The following IGSF10 variants were observed in gnomAD, a reference collection of about 807,000 sequenced individuals.
IGSF10 encodes immunoglobulin superfamily member 10.
A neutral mutation model predicts 128.2 loss-of-function variants in IGSF10; 126 were observed. The observed-to-expected ratio is 0.98, with a 90% CI of 0.85 to 1.14. The LOEUF is 1.14. Ranked by LOEUF, IGSF10 falls within the 50% of genes most tolerant of loss-of-function variation. The pLI, the probability that IGSF10 is intolerant of heterozygous loss-of-function variation, is 0.00. For missense variants in IGSF10, 3,295 were observed against 3,149.8 expected, an observed-to-expected ratio of 1.05 and a Z score of -1.10; for synonymous variants, 1,185 against 1,146.2, an observed-to-expected ratio of 1.03 and a Z score of -0.68.
the IGSF10 span, among the ~76,000 whole-genome samples, chr3:151,575,438 C>A: frequency 1.3e-5 from 2 of 151,536 alleles, no homozygotes; most frequent in East Asian, 2.0e-4. Flanking sequence ...ATGGTGGATG[C>A]CCCTCCCCCA....
At chr3:151,573,398 G>C in the IGSF10 span, among the ~76,000 whole-genome samples, 1 of 152,174 alleles carries the variant, frequency 6.6e-6, no homozygotes, top group African/African-American at 2.4e-5. Flanking sequence ...CTTGCTTTAT[G>C]AATCTGGATT....
the IGSF10 span, among the ~76,000 whole-genome samples, chr3:151,496,972 G>A: frequency 5.3e-5 from 8 of 152,280 alleles, no homozygotes; most frequent in African/African-American, 1.9e-4. Context: ...CTGCATAAAT[G>A]TCTTCTTTTG....
the IGSF10 span, among the ~76,000 whole-genome samples, chr3:151,482,038 G>A: frequency 6.6e-6 from 1 of 152,094 alleles, no homozygotes; most frequent in Non-Finnish European, 1.5e-5. Context: ...CACATCTGCA[G>A]ATAAAAGTAA....
At chr3:151,473,132 C>T in the IGSF10 span, among the ~76,000 whole-genome samples, 1 of 152,158 alleles carries the variant, frequency 6.6e-6, no homozygotes, top group African/African-American at 2.4e-5. Context: ...TTCTGTTTTC[C>T]TCATCTTTTG....
At chr3:151,434,717 C>A (rs1396000208), downstream of IGSF10, 3 of 152,204 alleles carry the variant, frequency 2.0e-5, no homozygotes, top group Admixed American at 2.0e-4. Flanking sequence ...TTATTTCTTT[C>A]CAAATTTCTT....
chr3:151,574,988 G>T, the IGSF10 span, among the ~76,000 whole-genome samples: 2 of 152,162 alleles, frequency 1.3e-5, no homozygotes, highest in African/African-American at 2.4e-5. Context: ...TCAGCTGCAG[G>T]TCTGTTGGTG....
the IGSF10 span, among the ~76,000 whole-genome samples, chr3:151,472,586 C>G: frequency 2.0e-5 from 3 of 152,108 alleles, no homozygotes; most frequent in Non-Finnish European, 4.4e-5. Context: ...GCCAAAGGTA[C>G]TACCTTTGGC....
the IGSF10 span, among the ~76,000 whole-genome samples, chr3:151,584,441 A>G: frequency 5.9e-5 from 9 of 152,272 alleles, no homozygotes; most frequent in East Asian, 1.7e-3. Flanking sequence ...TGCTCACCAT[A>G]TTAATAATGC....
chr3:151,436,681 A>T lies in IGSF10; in HGVS notation c.*8T>A, dbSNP rs769486664. 2.6e-6 allele frequency: 4 copies of T among 1,559,558 alleles called. No homozygotes were observed. The highest frequency in any genetic ancestry group is 3.8e-5 in the Admixed American group (2 of 52,002). Reference sequence around the variant, plus strand: ...CTGCCCAGATGTTGTTGACTTTATTATTTCATGTCAGATTACTTGAATATA... The same window carrying T: ...CTGCCCAGATGTTGTTGACTTTATTTTTTCATGTCAGATTACTTGAATATA... On this transcript the variant is annotated 3_prime_UTR_variant, in exon 8 of 8. Coordinates refer to ENST00000282466, the MANE Select transcript of IGSF10 (RefSeq NM_178822.5).
At chr3:151,616,485 G>A in the IGSF10 span, among the ~76,000 whole-genome samples, 6 of 152,152 alleles carry the variant, frequency 3.9e-5, no homozygotes, top group Admixed American at 3.3e-4. Context: ...GAGTGGTTTT[G>A]TATCTTGGAG....
chr3:151,479,091 T>A, the IGSF10 span, among the ~76,000 whole-genome samples: 1 of 152,178 alleles, frequency 6.6e-6, no homozygotes, highest in African/African-American at 2.4e-5. Context: ...CAGCAAGATA[T>A]TTTCAAATCC....
Position 151,443,691 on chromosome 3 carries a change from G to A in IGSF10, c.5256C>T (p.Thr1752=), listed in dbSNP as rs779696533. The change falls in exon 7 of 8, where the codon ACC becomes ACT. Residue 1752 remains threonine (T), a synonymous_variant. Coordinates refer to ENST00000282466, the MANE Select transcript of IGSF10 (RefSeq NM_178822.5). ...SYPPRILERR[T]KEITVHSGST... ...TTCCGGAATGAACTGTGATCTCTTTGGTACGTCTCTCCAGGATCCTGGGAG... is the reference window on the plus strand; with the variant it reads ...TTCCGGAATGAACTGTGATCTCTTTAGTACGTCTCTCCAGGATCCTGGGAG... 3.7e-6 allele frequency: 6 copies of A among 1,614,016 alleles called. No homozygotes were observed. The highest frequency in any genetic ancestry group is 1.7e-5 in the Admixed American group (1 of 60,012).
the IGSF10 span, among the ~76,000 whole-genome samples, chr3:151,490,999 G>C: frequency 6.6e-6 from 1 of 150,918 alleles, no homozygotes; most frequent in East Asian, 1.9e-4. Context: ...GCGGAAGGAA[G>C]GAAATAAAGA....
the IGSF10 span, among the ~76,000 whole-genome samples, chr3:151,524,710 A>C: frequency 2.6e-5 from 4 of 152,226 alleles, no homozygotes; most frequent in African/African-American, 9.6e-5. Context: ...TGATTTGTAC[A>C]ACACACCCCT....
chr3:151,535,783 G>A, the IGSF10 span, among the ~76,000 whole-genome samples: 1 of 152,144 alleles, frequency 6.6e-6, no homozygotes, highest in South Asian at 2.1e-4. Context: ...TTCTTTGGTT[G>A]CTTCATTCTG....
In IGSF10 at chr3:151,443,228, G is replaced by A. The variant is rs992709014; in HGVS notation, c.5719C>T (p.Leu1907=). Residue 1907 remains leucine (L), a synonymous_variant, in exon 7 of 8, where the codon CTA becomes TTA. Transcript: ENST00000282466. ...TAAGTGCCCCTGTCTGAAGAGGCTA[G>A]GTTTCTTATATACAAAGTCCCATTT... ...FSNGTLYIRN[L]ASSDRGTYEC... 5.0e-6 allele frequency: 8 copies of A among 1,613,092 alleles called. No individual in the cohort carries two copies. The African/African-American group carries it at 1.1e-4, about 22-fold the overall frequency.
chr3:151,609,995 T>G, the IGSF10 span, among the ~76,000 whole-genome samples: 1 of 152,032 alleles, frequency 6.6e-6, no homozygotes, highest in Non-Finnish European at 1.5e-5. Context: ...AAAATAAAAA[T>G]TGAAATGACT....
upstream of IGSF10, among the ~76,000 whole-genome samples, chr3:151,464,349 C>T (rs948460399): frequency 6.6e-6 from 1 of 152,140 alleles, no homozygotes; most frequent in African/African-American, 2.4e-5. Flanking sequence ...AATAAATATA[C>T]ATCTTCTTCA....
chr3:151,537,681 A>G, the IGSF10 span, among the ~76,000 whole-genome samples: 2 of 152,186 alleles, frequency 1.3e-5, no homozygotes, highest in Admixed American at 1.3e-4. Flanking sequence ...TTCTAACTTT[A>G]GTCATCACTG....
Sources: allele counts gnomAD v4.1 joint callset (sites outside exome capture counted in the v4.1 genomes callset), GRCh38; gene constraint gnomAD v4.1.1; transcripts MANE v1.5; gene names NCBI Gene and HGNC (gene_info 2026-07-23, HGNC 2026-07-21).